Variants in MTARC1 observed in about 807,000 individuals in gnomAD.
MTARC1 encodes mitochondrial amidoxime reducing component 1.
A neutral mutation model predicts 33.6 loss-of-function variants in MTARC1; 24 were observed. The observed-to-expected ratio is 0.72, with a 90% CI of 0.52 to 1.01. MTARC1 has a LOEUF of 1.01. Among genes scored for constraint, MTARC1 ranks in the 50% least tolerant of loss-of-function variants. MTARC1 has a pLI of 0.00. For missense variants in MTARC1, 417 were observed against 445.7 expected, an observed-to-expected ratio of 0.94 and a Z score of 0.58; for synonymous variants, 187 against 189.5, an observed-to-expected ratio of 0.99 and a Z score of 0.11.
At chr1:220,812,854 A>T (rs2102612405) in intron 6 of MTARC1, among the ~76,000 whole-genome samples, 1 of 152,092 alleles carries the variant, frequency 6.6e-6, no homozygotes, top group East Asian at 1.9e-4. Flanking sequence ...CCTCCCGAGT[A>T]GCTGGGACTA....
rs1673280629 is a variant in MTARC1, at chr1:220,816,379, T to C, written c.*2961T>C. 1 of 152,242 alleles carries C rather than the reference T, an allele frequency of 6.6e-6. No homozygotes were observed. Among genetic ancestry groups the C allele is most frequent in the Admixed American group, 6.5e-5 (1 of 15,290 alleles). 9.4% of individuals were successfully genotyped at this position (152,242 alleles called of 1,614,324 possible). A position where few individuals can be genotyped will look rare whatever the true frequency, so the allele number is the denominator to read the frequency against. ...AGTGGCTCTCAGACCAGACCTTGAT[T>C]GTGGGTATAATCGGAGTGTTGCTAC... is the stretch of plus-strand genomic sequence containing the variant. On this transcript the variant is annotated 3_prime_UTR_variant, in exon 7 of 7. Transcript: ENST00000366910.
intron 4 of MTARC1, among the ~76,000 whole-genome samples, chr1:220,802,084 C>G (rs987972432): frequency 1.9e-4 from 29 of 152,164 alleles, no homozygotes; most frequent in African/African-American, 6.8e-4. Flanking sequence ...CCTTGCTTCT[C>G]TGCTGTTTGT....
At chr1:220,794,635 T>C (rs1313330568) in intron 2 of MTARC1, among the ~76,000 whole-genome samples, 1 of 152,184 alleles carries the variant, frequency 6.6e-6, no homozygotes, top group East Asian at 1.9e-4. Flanking sequence ...CCAAGGTGAC[T>C]GCTCTGAAAG....
chr1:220,787,778 T>C (rs1057305748), intron 1 of MTARC1, among the ~76,000 whole-genome samples: 2 of 151,614 alleles, frequency 1.3e-5, no homozygotes, highest in Non-Finnish European at 2.9e-5. Flanking sequence ...TTACCTGAGG[T>C]CAGGAGTTCG....
In MTARC1 at chr1:220,813,317, C is replaced by T. The variant is rs772019099; in HGVS notation, c.913C>T (p.Arg305Ter). ...KSYRQCDPSE[R>*]KLYGKSPLFG... ...TTATCGCCAGTGTGACCCTTCAGAACGAAAGTTATATGGAAAATCACCACT... is the reference window on the plus strand; with the variant it reads ...TTATCGCCAGTGTGACCCTTCAGAATGAAAGTTATATGGAAAATCACCACT... Residue 305 changes from arginine to a stop codon, truncating the protein, a stop_gained, in exon 7 of 7, where the codon CGA (arginine) becomes TGA (stop). Transcript: ENST00000366910. LOFTEE classifies it low-confidence loss of function (END_TRUNC). 2.0e-5 allele frequency: 32 copies of T among 1,613,860 alleles called. No individual in the cohort carries two copies. Among genetic ancestry groups the T allele is most frequent in the East Asian group, 4.5e-5 (2 of 44,858 alleles).
At chr1:220,808,762 A>G in intron 6 of MTARC1, 1 of 466,148 alleles carries the variant, frequency 2.1e-6, no homozygotes, top group Non-Finnish European at 4.5e-6. Flanking sequence ...GGCATAGGGA[A>G]GCCTTTGTCT....
chr1:220,805,298 A>G, intron 6 of MTARC1, 24 bp downstream of exon 6: 2 of 1,612,212 alleles, frequency 1.2e-6, no homozygotes, highest in African/African-American at 2.7e-5. Context: ...GACGGGGCTC[A>G]TCCTCGGGTT....
At chr1:220,809,225 C>T (rs1673056004) in intron 6 of MTARC1, among the ~76,000 whole-genome samples, 1 of 152,140 alleles carries the variant, frequency 6.6e-6, no homozygotes, top group Admixed American at 6.5e-5. Flanking sequence ...CTTGTAATAC[C>T]TCTTCTGGTA....
At chr1:220,789,395 G>A (rs1211717484) in intron 1 of MTARC1, among the ~76,000 whole-genome samples, 1 of 152,114 alleles carries the variant, frequency 6.6e-6, no homozygotes, top group Non-Finnish European at 1.5e-5. Flanking sequence ...ATTGTCTTGG[G>A]CCACACATAA....
At chr1:220,807,096 A>C (rs561130643) in intron 6 of MTARC1, among the ~76,000 whole-genome samples, 1 of 152,286 alleles carries the variant, frequency 6.6e-6, no homozygotes, top group Admixed American at 6.5e-5. Context: ...AATATTGTGG[A>C]GCATTTAAGA....
At chr1:220,799,911 C>T (rs1440941900) in intron 4 of MTARC1, among the ~76,000 whole-genome samples, 2 of 152,126 alleles carry the variant, frequency 1.3e-5, no homozygotes, top group South Asian at 2.1e-4. Context: ...GAATCAAGGT[C>T]GATGACAATT....
rs778360911 is a variant in MTARC1, at chr1:220,816,116, G to A, written c.*2698G>A. 4 of 152,184 alleles carry A rather than the reference G, an allele frequency of 2.6e-5. No homozygotes were observed. The highest frequency in any genetic ancestry group is 5.9e-5 in the Non-Finnish European group (4 of 68,060). The allele number at this position is 152,184 out of a possible 1,614,324, so 9.4% of individuals were successfully genotyped here. ...CTCTCCTTCTCCCTTTACTGATAAC[G>A]GGGCATGGTGAGGAGATGAGCTTGT... On this transcript the variant is annotated 3_prime_UTR_variant, in exon 7 of 7. Transcript: ENST00000366910.
chr1:220,803,507 T>A (rs1338893728), intron 4 of MTARC1, among the ~76,000 whole-genome samples: 1 of 152,116 alleles, frequency 6.6e-6, no homozygotes, highest in Non-Finnish European at 1.5e-5. Context: ...AAGCCTGGAT[T>A]AAAAGCCCCC....
At position 220,791,546 on chromosome 1, in the gene MTARC1, C is replaced by T. The variant is rs1377724369; in HGVS notation, c.331C>T (p.Arg111Cys). The T allele has an allele frequency of 3.1e-6, 5 of 1,614,022 alleles. No homozygotes were observed. In the African/African-American group the frequency reaches 4.0e-5, roughly 13 times the overall value. Residue 111 changes from arginine to cysteine, a missense_variant, in exon 2 of 7, where the codon CGC (arginine) becomes TGC (cysteine). Arg to Cys is a radical substitution (Grantham distance 180). Coordinates refer to ENST00000366910, the MANE Select transcript of MTARC1 (RefSeq NM_022746.4). ...GNMVTARQEP[R>C]LVLISLTCDG... ...CATGGTTACTGCTCGCCAGGAACCTCGCCTGGTCCTGATTTCCCTGACCTG... is the reference window on the plus strand; with the variant it reads ...CATGGTTACTGCTCGCCAGGAACCTTGCCTGGTCCTGATTTCCCTGACCTG...
chr1:220,787,334 C>T, intron 1 of MTARC1, 115 bp downstream of exon 1: 1 of 1,341,106 alleles, frequency 7.5e-7, no homozygotes, highest in Non-Finnish European at 9.5e-7. Context: ...CCTCCTATTA[C>T]AAAGAAACTG....
intron 1 of MTARC1, among the ~76,000 whole-genome samples, chr1:220,788,819 T>TAAAAAAAA (rs1169691944): frequency 6.6e-6 from 1 of 151,600 alleles, no homozygotes; most frequent in East Asian, 1.9e-4. Context: ...AAATCCATGT[T>TAAAAAAAA]TCGTATAGTA....
Position 220,817,013 on chromosome 1 carries a change from C to A in MTARC1, c.*3595C>A, listed in dbSNP as rs10495152. 44,341 of 151,948 alleles carry A rather than the reference C, an allele frequency of 0.29. 6,447 individuals are homozygous for A. The highest frequency in any genetic ancestry group is 0.31 in the Admixed American group (4,798 of 15,278). 9.4% of individuals were successfully genotyped at this position (151,948 alleles called of 1,614,324 possible). On this transcript the variant is annotated 3_prime_UTR_variant, in exon 7 of 7. Transcript: ENST00000366910. ...AATACCTGTGATGTAAGTTACAAAA[C>A]CACCTGTGATGAAAGTGCTCCAGGA...
chr1:220,800,309 G>A (rs999510196), intron 4 of MTARC1, among the ~76,000 whole-genome samples: 2 of 152,208 alleles, frequency 1.3e-5, no homozygotes, highest in Non-Finnish European at 2.9e-5. Context: ...ACCCATCATC[G>A]AGTGGGTTGC....
intron 6 of MTARC1, among the ~76,000 whole-genome samples, chr1:220,811,074 T>TA (rs999324873): frequency 4.7e-4 from 71 of 152,336 alleles, no homozygotes; most frequent in African/African-American, 1.6e-3. Context: ...TCTGGACTCT[T>TA]AGACTGCAGA....
Sources: allele counts gnomAD v4.1 joint callset (sites outside exome capture counted in the v4.1 genomes callset), GRCh38; gene constraint gnomAD v4.1.1; transcripts MANE v1.5; gene names NCBI Gene and HGNC (gene_info 2026-07-23, HGNC 2026-07-21).